The following GLCCI1 variants were observed in gnomAD, a reference collection of about 807,000 sequenced individuals.
GLCCI1 encodes glucocorticoid induced 1, also known as glucocorticoid-induced transcript 1 protein.
GLCCI1 carries 24 observed loss-of-function variants against 52.2 expected under a neutral mutation model. The observed-to-expected ratio is 0.46, with a 90% CI of 0.33 to 0.65. GLCCI1 has a LOEUF of 0.65. GLCCI1 is among the 30% of genes least tolerant of loss of function. The pLI, the probability that GLCCI1 is intolerant of heterozygous loss-of-function variation, is 0.02. For missense variants in GLCCI1, 704 were observed against 701.5 expected, an observed-to-expected ratio of 1.00 and a Z score of -0.04; for synonymous variants, 310 against 276.5, an observed-to-expected ratio of 1.12 and a Z score of -1.20.
chr7:8,034,895 T>G (rs116145753), intron 3 of GLCCI1, among the ~76,000 whole-genome samples: 1 of 152,094 alleles, frequency 6.6e-6, no homozygotes, highest in Non-Finnish European at 1.5e-5. Context: ...GGGTGGTGAT[T>G]TGGGGACTTA....
rs1298222527 is a variant in GLCCI1, at chr7:8,086,628, C to G, written c.*90C>G. ...TGAGTGACAAACTTTCTGAACACCACCACCACCAATAATACTTATCAGCAT... is the reference window on the plus strand; with the variant it reads ...TGAGTGACAAACTTTCTGAACACCAGCACCACCAATAATACTTATCAGCAT... On this transcript the variant is annotated 3_prime_UTR_variant, in exon 8 of 8. Coordinates refer to ENST00000223145, the MANE Select transcript of GLCCI1 (RefSeq NM_138426.4). The surrounding 1 kb of genome is among the most constrained non-coding windows in gnomAD (Gnocchi z 4.4). The G allele has an allele frequency of 1.1e-6, 1 of 950,260 alleles. No homozygotes were observed. The highest frequency in any genetic ancestry group is 1.6e-5 in the African/African-American group (1 of 60,708). 58.9% of individuals were successfully genotyped at this position (950,260 alleles called of 1,614,324 possible). A position where few individuals can be genotyped will look rare whatever the true frequency, so the allele number is the denominator to read the frequency against.
chr7:8,070,855 A>T, intron 5 of GLCCI1, 66 bp from the exon 6 acceptor site: 5 of 1,370,546 alleles, frequency 3.6e-6, no homozygotes, highest in Non-Finnish European at 5.2e-6. Flanking sequence ...GGGAAATACT[A>T]TGTGCTTTCT....
At chr7:7,980,965 G>A (rs1338477947) in intron 1 of GLCCI1, 3 of 576,790 alleles carry the variant, frequency 5.2e-6, no homozygotes, top group African/African-American at 3.8e-5. Context: ...GAGTGGTAGA[G>A]TTGACACAAA....
In GLCCI1 at chr7:7,969,315, T is replaced by G; in HGVS notation, c.-36T>G. 1 of 1,320,364 alleles carries G rather than the reference T, an allele frequency of 7.6e-7. No homozygotes were observed. Among genetic ancestry groups the G allele is most frequent in the East Asian group, 4.1e-5 (1 of 24,612 alleles). 81.8% of individuals were successfully genotyped at this position (1,320,364 alleles called of 1,614,324 possible). A position where few individuals can be genotyped will look rare whatever the true frequency, so the allele number is the denominator to read the frequency against. On this transcript the variant is annotated 5_prime_UTR_variant, in exon 1 of 8. Coordinates refer to ENST00000223145, the MANE Select transcript of GLCCI1 (RefSeq NM_138426.4). The surrounding 1 kb of genome is among the most constrained non-coding windows in gnomAD (Gnocchi z 4.9). ...GCGCGCCTCCCGCCCCGCGCCTCCG[T>G]GTCGGCCGGCGGCGTCCAGGGCCCG... is the stretch of plus-strand genomic sequence containing the variant.
intron 3 of GLCCI1, 167 bp downstream of exon 3, chr7:8,022,736 G>T (rs1242843361): frequency 3.3e-6 from 1 of 306,282 alleles, no homozygotes; most frequent in Non-Finnish European, 5.9e-6. Flanking sequence ...GCAGGTTTTT[G>T]TAAGGTTAGG....
In GLCCI1 at chr7:7,999,740, A is replaced by G. The variant is rs186116157; in HGVS notation, c.458-4168A>G. ...GTCAACATAGTGAGGCCTCATCTCTATAAATTTAAAAAATTAGCTGGGTGT... is the reference window on the plus strand; with the variant it reads ...GTCAACATAGTGAGGCCTCATCTCTGTAAATTTAAAAAATTAGCTGGGTGT... On this transcript the variant is annotated intron_variant, in intron 1 of 7. Coordinates refer to ENST00000223145, the MANE Select transcript of GLCCI1 (RefSeq NM_138426.4). Among the ~76,000 whole-genome samples, 4 of 152,218 alleles carry G rather than the reference A, an allele frequency of 2.6e-5. No homozygotes were observed. In the East Asian group the frequency reaches 7.7e-4, roughly 29 times the overall value.
chr7:8,052,568 G>A (rs781125803), intron 3 of GLCCI1, among the ~76,000 whole-genome samples: 1 of 152,218 alleles, frequency 6.6e-6, no homozygotes, highest in African/African-American at 2.4e-5. Flanking sequence ...TAACTACTGT[G>A]TGTAATGGGT....
chr7:8,077,794 C>T (rs933059352), intron 6 of GLCCI1, among the ~76,000 whole-genome samples: 3 of 152,138 alleles, frequency 2.0e-5, no homozygotes. Flanking sequence ...CTGATTACAT[C>T]TTGCTGCCTT....
At chr7:8,026,951 A>G (rs186101639) in intron 3 of GLCCI1, among the ~76,000 whole-genome samples, 7 of 152,352 alleles carry the variant, frequency 4.6e-5, no homozygotes, top group African/African-American at 1.4e-4. Flanking sequence ...ATCTGAAAAA[A>G]ACACAGTGTT....
chr7:8,008,320 C>T (rs1336092620), intron 2 of GLCCI1, among the ~76,000 whole-genome samples: 7 of 136,366 alleles, frequency 5.1e-5, no homozygotes, highest in African/African-American at 1.4e-4. Flanking sequence ...GGGTCTTGTT[C>T]TGTTGCCCAG....
At chr7:8,078,647 G>C (rs1305626577) in intron 6 of GLCCI1, 1 of 151,840 alleles carries the variant, frequency 6.6e-6, no homozygotes, top group Non-Finnish European at 1.5e-5. Flanking sequence ...GGAGACCACA[G>C]GTATAGGGCA....
In GLCCI1 at chr7:8,067,287, G is replaced by A. The variant is rs189175075; in HGVS notation, c.967-3634G>A. 9.5e-4 allele frequency among the ~76,000 whole-genome samples: 145 copies of A among 152,128 alleles called. 1 individual carries two copies. Among genetic ancestry groups the A allele is most frequent in the African/African-American group, 3.2e-3 (134 of 41,492 alleles). On this transcript the variant is annotated intron_variant, in intron 5 of 7. Coordinates refer to ENST00000223145, the MANE Select transcript of GLCCI1 (RefSeq NM_138426.4). ...CATGGGTGTCTTTGCATGTGAGCCTGGTCTCTTAAAGACGCCTACTGTTTA... is the reference window on the plus strand; with the variant it reads ...CATGGGTGTCTTTGCATGTGAGCCTAGTCTCTTAAAGACGCCTACTGTTTA...
In GLCCI1 at chr7:8,003,927, G is replaced by A; in HGVS notation, c.477G>A (p.Gln159=). Residue 159 remains glutamine, a synonymous_variant, in exon 2 of 8, where the codon CAG becomes CAA. Transcript: ENST00000223145. The part of the protein sequence containing the change: ...PVCRADKAKS[Q]QVRTSSTIRR... ...CTGTAGCGGACAAGGCAAAATCTCA[G>A]CAAGTTCGGACCTCTAGTACAATAA... The A allele has an allele frequency of 6.2e-7, 1 of 1,611,292 alleles. No individual in the cohort carries two copies. Among genetic ancestry groups the A allele is most frequent in the Non-Finnish European group, 8.5e-7 (1 of 1,178,664 alleles).
intron 5 of GLCCI1, among the ~76,000 whole-genome samples, chr7:8,067,884 G>T (rs1782666781): frequency 6.6e-6 from 1 of 152,138 alleles, no homozygotes; most frequent in South Asian, 2.1e-4. Context: ...TCCTGAATTT[G>T]AATGTTGGCC....
intron 1 of GLCCI1, among the ~76,000 whole-genome samples, chr7:7,999,434 C>A (rs1583959219): frequency 6.6e-6 from 1 of 151,906 alleles, no homozygotes; most frequent in African/African-American, 2.4e-5. Context: ...ACAGCGAGAC[C>A]CCATCCCCAT....
chr7:8,026,559 G>C (rs1781625081), intron 3 of GLCCI1, among the ~76,000 whole-genome samples: 1 of 152,264 alleles, frequency 6.6e-6, no homozygotes, highest in African/African-American at 2.4e-5. Context: ...AATTGCTGAT[G>C]TTACCCCTCC....
intron 1 of GLCCI1, among the ~76,000 whole-genome samples, chr7:7,987,180 G>A (rs1368025313): frequency 6.6e-6 from 1 of 152,140 alleles, no homozygotes; most frequent in Non-Finnish European, 1.5e-5. Context: ...CCTCCACTGT[G>A]TACCTTGTGT....
chr7:7,991,396 A>G lies in GLCCI1; in HGVS notation c.458-12512A>G, dbSNP rs184950431. On this transcript the variant is annotated intron_variant, in intron 1 of 7. Transcript: ENST00000223145. ...CTGTTCTTTATTCAAATAGGAAATA[A>G]GAATGCAGATAATTTTCCAAGGAAG... 7.6e-4 allele frequency among the ~76,000 whole-genome samples: 115 copies of G among 152,224 alleles called. No homozygotes were observed. In the East Asian group the frequency reaches 9.2e-3, roughly 12 times the overall value.
Position 8,086,480 on chromosome 7 carries a change from T to C in GLCCI1, c.1586T>C (p.Leu529Pro), listed in dbSNP as rs772334012. 3.4e-5 allele frequency: 55 copies of C among 1,613,926 alleles called. No homozygotes were observed. Among genetic ancestry groups the C allele is most frequent in the African/African-American group, 5.3e-5 (4 of 74,900 alleles). The change falls in exon 8 of 8, where the codon CTC (leucine) becomes CCC (proline). Residue 529 changes from leucine (L) to proline (P), a missense_variant. This residue lies in a region of GLCCI1 where 149 missense variants were observed against 152.9 expected (regional missense o/e 0.97). Coordinates refer to ENST00000223145, the MANE Select transcript of GLCCI1 (RefSeq NM_138426.4). The surrounding 1 kb of genome is among the most constrained non-coding windows in gnomAD (Gnocchi z 4.4). ...CAGCAGCCATCCCAGCAGCAGCAGCTCCTGCAGGAACTGCAGGGTGAGGAC... is the reference window on the plus strand; with the variant it reads ...CAGCAGCCATCCCAGCAGCAGCAGCCCCTGCAGGAACTGCAGGGTGAGGAC... Reference protein sequence around the residue: ...SVQQPSQQQQLLQELQGEDHI... With the variant: ...SVQQPSQQQQPLQELQGEDHI...
Sources: allele counts gnomAD v4.1 joint callset (sites outside exome capture counted in the v4.1 genomes callset), GRCh38; gene constraint gnomAD v4.1.1; regional missense constraint gnomAD v4.1.1; non-coding constraint Gnocchi (gnomAD v3.1); transcripts MANE v1.5; gene names NCBI Gene and HGNC (gene_info 2026-07-23, HGNC 2026-07-21).